FLT4: variants seen among roughly 807,000 people sequenced by gnomAD.
FLT4 encodes vascular endothelial growth factor receptor 3.
FLT4 carries 30 observed loss-of-function variants against 163.2 expected under a neutral mutation model. That is an observed-to-expected ratio of 0.18 (90% CI 0.14 to 0.25). The LOEUF (loss-of-function observed/expected upper bound fraction) is 0.25, where lower values mean the gene tolerates loss of function less well. FLT4 is among the 10% of genes least tolerant of loss of function. The probability of loss-of-function intolerance (pLI) is 1.00; values close to 1 mark genes in which losing one functional copy is unlikely to be tolerated. For missense variants in FLT4, 1,510 were observed against 1,863.8 expected, an observed-to-expected ratio of 0.81 and a Z score of 3.50; for synonymous variants, 884 against 789.5, an observed-to-expected ratio of 1.12 and a Z score of -2.01.
In FLT4 at chr5:180,621,157, C is replaced by CGT; in HGVS notation, c.2114_2115dup (p.Ala706ThrfsTer29). The CGT allele has an allele frequency of 6.2e-7, 1 of 1,612,834 alleles. No homozygotes were observed. The highest frequency in any genetic ancestry group is 8.5e-7 in the Non-Finnish European group (1 of 1,179,990). Reference sequence around the variant, plus strand: ...TCTTTGTACCACACGATGCTGGGCGCGTGCGCTCCGGCCACCAAGCACTGC... The same window carrying CGT: ...TCTTTGTACCACACGATGCTGGGCGCGTGTGCGCTCCGGCCACCAAGCACTGC... On this transcript the variant is annotated frameshift_variant, in exon 14 of 30. Coordinates refer to ENST00000261937, the MANE Select transcript of FLT4 (RefSeq NM_182925.5). LOFTEE classifies it high-confidence loss of function.
At position 180,621,014 on chromosome 5, in the gene FLT4, G is replaced by A. The variant is rs376156787; in HGVS notation, c.2168-7C>T. 1.4e-5 allele frequency: 22 copies of A among 1,611,432 alleles called. No individual in the cohort carries two copies. The African/African-American group carries it at 2.1e-4, about 16-fold the overall frequency. On this transcript the variant is annotated splice_polypyrimidine_tract_variant and splice_region_variant and intron_variant, in intron 14 of 29. Transcript: ENST00000261937. The stretch of plus-strand genomic sequence containing the variant: ...GAGTCCGCCAAGTCGACTCCTGCAG[G>A]GGGTGGGGTGGAGGTGCGGGTCCAC...
At chr5:180,624,793 G>A (rs886684434) in intron 10 of FLT4, among the ~76,000 whole-genome samples, 1 of 152,256 alleles carries the variant, frequency 6.6e-6, no homozygotes, top group African/African-American at 2.4e-5. Context: ...CCTCTGGGCA[G>A]GGTGTGCATC....
Position 180,628,745 on chromosome 5 carries a change from G to A in FLT4, c.1103+137C>T, listed in dbSNP as rs373584389. The A allele has an allele frequency of 4.3e-5, 29 of 676,460 alleles. No individual in the cohort carries two copies. The East Asian group carries it at 7.1e-4, about 17-fold the overall frequency. The allele number at this position is 676,460 out of a possible 1,614,324, so 41.9% of individuals were successfully genotyped here. On this transcript the variant is annotated intron_variant, in intron 8 of 29. Coordinates refer to ENST00000261937, the MANE Select transcript of FLT4 (RefSeq NM_182925.5). ...GGGCGGGTTCCTTGGGGGGTCTCCT[G>A]AGAGAGGCCCCCGCCATGCCTGGTC...
chr5:180,604,670 C>T (rs1029391872), intron 29 of FLT4, among the ~76,000 whole-genome samples: 3 of 152,202 alleles, frequency 2.0e-5, no homozygotes, highest in African/African-American at 7.2e-5. Context: ...CTCAAGCGCT[C>T]ACTTTCTTTG....
chr5:180,620,258 G>A lies in FLT4; in HGVS notation c.2457C>T (p.Pro819=), dbSNP rs1341497541. The change falls in exon 17 of 30, where the codon CCC becomes CCT. Residue 819 remains proline, a synonymous_variant. Coordinates refer to ENST00000261937, the MANE Select transcript of FLT4 (RefSeq NM_182925.5). This position sits in a 1 kb window ranked among gnomAD's most constrained non-coding sequence, Gnocchi z 4.4. ...KTGYLSIIMD[P]GEVPLEEQCE... ...ATTGCTCCTCCAGAGGCACCTCCCCGGGGTCCATGATGATGGACAGGTAGC... is the reference window on the plus strand; with the variant it reads ...ATTGCTCCTCCAGAGGCACCTCCCCAGGGTCCATGATGATGGACAGGTAGC... 1.2e-6 allele frequency: 2 copies of A among 1,611,858 alleles called. No homozygotes were observed. The highest frequency in any genetic ancestry group is 2.2e-5 in the East Asian group (1 of 44,884).
At chr5:180,613,296 C>T (rs56339172) in intron 24 of FLT4, 186 bp from the exon 25 acceptor site, 10,797 of 548,516 alleles carry the variant, frequency 0.02, 191 homozygotes, top group South Asian at 0.028. Context: ...AGTCGCTGCC[C>T]TCCCCAGCTC....
chr5:180,649,096 G>A (rs1765624054), intron 1 of FLT4, among the ~76,000 whole-genome samples: 1 of 151,916 alleles, frequency 6.6e-6, no homozygotes, highest in African/African-American at 2.4e-5. Flanking sequence ...TCTCCGGCGC[G>A]CGTGGGTCGG....
At chr5:180,607,409 G>T (rs572948447) in intron 29 of FLT4, among the ~76,000 whole-genome samples, 1 of 152,132 alleles carries the variant, frequency 6.6e-6, no homozygotes, top group Non-Finnish European at 1.5e-5. Flanking sequence ...GGCCGAGGGC[G>T]GGCGGATCAC....
rs796052114 is a variant in FLT4 at position 180,617,003 on chromosome 5, T to C, written c.3002-9A>G. On this transcript the variant is annotated splice_polypyrimidine_tract_variant and intron_variant, in intron 21 of 29. Transcript: ENST00000261937. ...CAGCCACAGGTCCTCAGCTACACAG[T>C]GGAGCCAGGTGGGCTCAGGAGGCGC... The C allele has an allele frequency of 6.2e-7, 1 of 1,609,556 alleles. No homozygotes were observed. Among genetic ancestry groups the C allele is most frequent in the East Asian group, 2.2e-5 (1 of 44,856 alleles).
Position 180,630,945 on chromosome 5 carries a change from T to C in FLT4, c.156-146A>G. ...GGGTTTGGGCGCACACTACAGACCG[T>C]GCCCAGGGCAGGGCACTCCCCGACC... is the stretch of plus-strand genomic sequence containing the variant. On this transcript the variant is annotated intron_variant, in intron 2 of 29. Transcript: ENST00000261937. This position sits in a 1 kb window ranked among gnomAD's most constrained non-coding sequence, Gnocchi z 6.3. The C allele has an allele frequency of 9.8e-7, 1 of 1,020,118 alleles. No homozygotes were observed. The highest frequency in any genetic ancestry group is 1.4e-6 in the Non-Finnish European group (1 of 719,880). The allele number at this position is 1,020,118 out of a possible 1,614,324, so 63.2% of individuals were successfully genotyped here.
chr5:180,616,872 G>T, intron 22 of FLT4, 28 bp downstream of exon 22: 3 of 1,580,838 alleles, frequency 1.9e-6, no homozygotes, highest in Non-Finnish European at 2.6e-6. Flanking sequence ...CCCTTTTCCC[G>T]TCTGAAGGGC....
At position 180,629,855 on chromosome 5, in the gene FLT4, G is replaced by A; in HGVS notation, c.677-20C>T. On this transcript the variant is annotated intron_variant, in intron 5 of 29. Transcript: ENST00000261937. ...CGTTGCCTGTTGACACGCACACAGT[G>A]ACTCCCACGCCCTCACAGGACGACA... The A allele has an allele frequency of 6.2e-7, 1 of 1,612,594 alleles. No individual in the cohort carries two copies. The highest frequency in any genetic ancestry group is 8.5e-7 in the Non-Finnish European group (1 of 1,179,892).
chr5:180,626,531 A>G (rs1561731016), intron 8 of FLT4, among the ~76,000 whole-genome samples: 1 of 152,096 alleles, frequency 6.6e-6, no homozygotes, highest in South Asian at 2.1e-4. Flanking sequence ...CCTTGCCCCA[A>G]AGCCTCTGAA....
At chr5:180,638,831 TTATG>T (rs1173571085) in intron 1 of FLT4, among the ~76,000 whole-genome samples, 2 of 152,176 alleles carry the variant, frequency 1.3e-5, no homozygotes, top group Non-Finnish European at 2.9e-5. Flanking sequence ...AATTATTTAT[TTATG>T]TGTTTGTTTG....
At chr5:180,608,932 G>A (rs760940835) in intron 29 of FLT4, 36 bp downstream of exon 29, 8 of 1,551,102 alleles carry the variant, frequency 5.2e-6, no homozygotes, top group South Asian at 2.2e-5. Context: ...GGGCAACATC[G>A]ATACCTGCAG....
rs750772339 is a variant in FLT4 at position 180,614,150 on chromosome 5, A to G, written c.3249T>C (p.Pro1083=). The change falls in exon 24 of 30, where the codon CCT becomes CCC. Residue 1083 remains proline (P), a synonymous_variant. Transcript: ENST00000261937. The part of the protein sequence containing the change: ...SARLPLKWMA[P]ESIFDKVYTT... ...TGTACACCTTGTCGAAGATGCTTTC[A>G]GGGGCCATCCACTTCAGGGGCAGCC... The G allele has an allele frequency of 6.2e-7, 1 of 1,612,742 alleles. No individual in the cohort carries two copies. Among genetic ancestry groups the G allele is most frequent in the South Asian group, 1.1e-5 (1 of 90,992 alleles).
Position 180,630,360 on chromosome 5 carries a change from T to C in FLT4, c.401-23A>G, listed in dbSNP as rs1764001318. On this transcript the variant is annotated intron_variant, in intron 3 of 29. Transcript: ENST00000261937. The surrounding 1 kb of genome is among the most constrained non-coding windows in gnomAD (Gnocchi z 6.3). ...AGTCTATGGAGAGGGAGCAAGCTGT[T>C]GGGGAAGGGACGTGGCGGCCAGGCT... is the stretch of plus-strand genomic sequence containing the variant. The C allele has an allele frequency of 3.8e-6, 6 of 1,599,572 alleles. No homozygotes were observed. The highest frequency in any genetic ancestry group is 5.1e-6 in the Non-Finnish European group (6 of 1,174,914).
chr5:180,611,988 C>T (rs1298259342), intron 26 of FLT4, among the ~76,000 whole-genome samples: 2 of 152,214 alleles, frequency 1.3e-5, no homozygotes, highest in Non-Finnish European at 2.9e-5. Context: ...CCGCAGCACC[C>T]ATCCCAGTCC....
At position 180,611,640 on chromosome 5, in the gene FLT4, C is replaced by T. The variant is rs553255698; in HGVS notation, c.3538-161G>A. On this transcript the variant is annotated intron_variant, in intron 26 of 29. Transcript: ENST00000261937. Reference sequence around the variant, plus strand: ...GCCCCCGCCCTCGCCCTGCCCTCAGCCCTCGCTCTGCCCTCGGGACTGCTT... The same window carrying T: ...GCCCCCGCCCTCGCCCTGCCCTCAGTCCTCGCTCTGCCCTCGGGACTGCTT... The T allele has an allele frequency of 3.4e-4, 261 of 774,754 alleles. 4 individuals carry two copies. The South Asian group carries it at 4.2e-3, about 13-fold the overall frequency. The allele number at this position is 774,754 out of a possible 1,614,324, so 48.0% of individuals were successfully genotyped here.
Sources: allele counts gnomAD v4.1 joint callset (sites outside exome capture counted in the v4.1 genomes callset), GRCh38; gene constraint gnomAD v4.1.1; non-coding constraint Gnocchi (gnomAD v3.1); transcripts MANE v1.5; gene names NCBI Gene and HGNC (gene_info 2026-07-23, HGNC 2026-07-21).